Variants in TICRR observed in about 807,000 individuals in gnomAD.
TICRR encodes treslin.
Under a neutral mutation model 178.1 loss-of-function variants are expected in TICRR, and 132 were observed. The observed-to-expected ratio is 0.74, with a 90% confidence interval of 0.64 to 0.86. The LOEUF is 0.86. Among genes scored for constraint, TICRR ranks in the 40% least tolerant of loss-of-function variants. TICRR has a pLI of 0.00. For synonymous variants in TICRR, 991 were observed against 900.7 expected, an observed-to-expected ratio of 1.10 and a Z score of -1.79; for missense variants, 2,587 against 2,334.3, an observed-to-expected ratio of 1.11 and a Z score of -2.23.
At chr15:89,592,522 C>T (rs1962930056) in intron 5 of TICRR, among the ~76,000 whole-genome samples, 1 of 152,026 alleles carries the variant, frequency 6.6e-6, no homozygotes, top group African/African-American at 2.4e-5. Flanking sequence ...TGAATTTATA[C>T]TTAAAGAAGT....
intron 15 of TICRR, among the ~76,000 whole-genome samples, chr15:89,611,587 T>A (rs1337753460): frequency 2.0e-5 from 3 of 152,152 alleles, no homozygotes; most frequent in Non-Finnish European, 4.4e-5. Flanking sequence ...TTGGTCTCAT[T>A]TCCTCCTTAG....
At chr15:89,619,870 A>G in intron 18 of TICRR, 28 bp downstream of exon 18, 1 of 1,581,466 alleles carries the variant, frequency 6.3e-7, no homozygotes, top group Non-Finnish European at 8.6e-7. Context: ...CTGCCTTCAC[A>G]AGTCCGTGCT....
At chr15:89,609,080 G>T in intron 15 of TICRR, 131 bp downstream of exon 15, 5 of 418,314 alleles carry the variant, frequency 1.2e-5, no homozygotes, top group Admixed American at 5.5e-5. Flanking sequence ...TCTAGCTAAA[G>T]GTTTGTCAAT....
intron 15 of TICRR, among the ~76,000 whole-genome samples, chr15:89,609,299 G>GACAT (rs150972221): frequency 0.012 from 1,769 of 151,298 alleles, 45 homozygotes; most frequent in African/African-American, 0.042. Flanking sequence ...TTTTTGTGGA[G>GACAT]ACATGGTCTT....
chr15:89,580,254 G>A (rs12898376), intron 1 of TICRR: 1 of 152,246 alleles, frequency 6.6e-6, no homozygotes, highest in Admixed American at 6.5e-5. Context: ...CTGACCTCAG[G>A]TGATCCACCT....
chr15:89,590,952 T>A (rs1962901222), intron 4 of TICRR, among the ~76,000 whole-genome samples: 1 of 152,196 alleles, frequency 6.6e-6, no homozygotes, highest in East Asian at 1.9e-4. Flanking sequence ...GAAATTTCTG[T>A]TACTGTTCCC....
At chr15:89,611,236 T>C (rs1963251937) in intron 15 of TICRR, among the ~76,000 whole-genome samples, 1 of 152,200 alleles carries the variant, frequency 6.6e-6, no homozygotes, top group Non-Finnish European at 1.5e-5. Flanking sequence ...TGGAAATGTC[T>C]TACTTTCTAC....
At chr15:89,594,338 G>A (rs979794702) in intron 5 of TICRR, 77 bp from the exon 6 acceptor site, 2 of 1,286,374 alleles carry the variant, frequency 1.6e-6, no homozygotes, top group African/African-American at 3.0e-5. Context: ...AGAGGATAGT[G>A]GGTATTTTGG....
At chr15:89,607,612 A>G (rs1490508740) in intron 14 of TICRR, among the ~76,000 whole-genome samples, 1 of 152,162 alleles carries the variant, frequency 6.6e-6, no homozygotes, top group Non-Finnish European at 1.5e-5. Context: ...TATAATGGAG[A>G]TAAGGAAACA....
chr15:89,595,312 A>G (rs1036361894), intron 6 of TICRR, 81 bp from the exon 7 acceptor site: 6 of 967,992 alleles, frequency 6.2e-6, no homozygotes, highest in Non-Finnish European at 9.7e-6. Context: ...ATTCTTTCAC[A>G]GTAATCTGAA....
intron 5 of TICRR, among the ~76,000 whole-genome samples, chr15:89,593,420 C>A (rs974181980): frequency 1.3e-5 from 2 of 152,022 alleles, no homozygotes; most frequent in Non-Finnish European, 2.9e-5. Context: ...TATAGAAAAT[C>A]CAGGCCCGGC....
Position 89,586,831 on chromosome 15 carries a change from C to T in TICRR, c.1411+889C>T, listed in dbSNP as rs531075243. On this transcript the variant is annotated intron_variant, in intron 4 of 21. Coordinates refer to ENST00000268138, the MANE Select transcript of TICRR (RefSeq NM_152259.4). ...AGTAGGAGGGGGTGAGGTCAGAGAG[C>T]CAGCAGCAGACCAAACTGGGCAGGG... is the stretch of plus-strand genomic sequence containing the variant. 5.9e-5 allele frequency among the ~76,000 whole-genome samples: 9 copies of T among 152,180 alleles called. No homozygotes were observed. The South Asian group carries it at 1.9e-3, about 32-fold the overall frequency.
Position 89,625,381 on chromosome 15 carries a change from G to A in TICRR, c.5071G>A (p.Ala1691Thr). The change falls in exon 20 of 22, where the codon GCG (alanine) becomes ACG (threonine). Residue 1691 changes from alanine (A) to threonine (T), a missense_variant. Transcript: ENST00000268138. The stretch of plus-strand genomic sequence containing the variant: ...TAAAGACTGGCCCAGGAGGAAGAGG[G>A]CGGTGGGCTGTGGCGCCGGCTCCTC... The part of the protein sequence containing the change: ...IIKDWPRRKR[A>T]VGCGAGSSSG... 1 of 1,613,966 alleles carries A rather than the reference G, an allele frequency of 6.2e-7. No homozygotes were observed. Among genetic ancestry groups the A allele is most frequent in the Non-Finnish European group, 8.5e-7 (1 of 1,179,964 alleles).
At chr15:89,614,048 G>A (rs577536598) in intron 15 of TICRR, among the ~76,000 whole-genome samples, 35 of 152,040 alleles carry the variant, frequency 2.3e-4, no homozygotes, top group African/African-American at 7.0e-4. Context: ...TGGTTACTCC[G>A]GAGGCTGAGG....
At chr15:89,608,600 A>AT (rs1567047672) in intron 14 of TICRR, among the ~76,000 whole-genome samples, 1 of 152,220 alleles carries the variant, frequency 6.6e-6, no homozygotes. Flanking sequence ...AACATATAAA[A>AT]TTTTTTTTAA....
At chr15:89,585,981 G>A (rs112898657) in intron 4 of TICRR, 39 bp downstream of exon 4, 14 of 1,560,210 alleles carry the variant, frequency 9.0e-6, no homozygotes, top group African/African-American at 5.4e-5. Flanking sequence ...GTCTAGGGTG[G>A]TTTGCAGTCT....
intron 4 of TICRR, among the ~76,000 whole-genome samples, chr15:89,587,971 G>C (rs368063936): frequency 6.6e-6 from 1 of 152,158 alleles, no homozygotes; most frequent in East Asian, 1.9e-4. Flanking sequence ...GGGATGGAGA[G>C]AATTGCTAGT....
At chr15:89,579,561 G>C (rs1227959019) in intron 1 of TICRR, among the ~76,000 whole-genome samples, 2 of 151,964 alleles carry the variant, frequency 1.3e-5, no homozygotes, top group East Asian at 1.9e-4. Flanking sequence ...TGCTAGGCTC[G>C]TCTCGAACTC....
chr15:89,584,623 A>T, intron 3 of TICRR, 96 bp downstream of exon 3: 1 of 1,253,596 alleles, frequency 8.0e-7, no homozygotes, highest in Non-Finnish European at 1.1e-6. Flanking sequence ...ATATAGTCTT[A>T]GTAAAACTGA....
Sources: gnomAD v4.1 joint callset for allele counts (sites outside exome capture counted in the v4.1 genomes callset) on GRCh38, gnomAD v4.1.1 for gene constraint, MANE v1.5 for transcripts, NCBI Gene and HGNC (gene_info 2026-07-23, HGNC 2026-07-21) for gene names.